Variants in WDPCP observed in about 807,000 individuals in gnomAD.
WDPCP encodes the protein WD repeat-containing and planar cell polarity effector protein fritz homolog.
In WDPCP, 71 loss-of-function variants were observed where a neutral mutation model predicts 93.1. That is an observed-to-expected ratio of 0.76 (90% CI 0.63 to 0.93). The LOEUF (loss-of-function observed/expected upper bound fraction) is 0.93. Ranked by LOEUF, WDPCP falls within the 40% of genes least tolerant of loss-of-function variation. The pLI, the probability that WDPCP is intolerant of heterozygous loss-of-function variation, is 0.00. For synonymous variants in WDPCP, 315 were observed against 315.0 expected (o/e 1.00, Z 0.00); for missense variants, 844 against 887.4 (o/e 0.95, Z 0.62).
At chr2:63,166,050 C>CT (rs1353915915) in intron 15 of WDPCP, among the ~76,000 whole-genome samples, 14 of 151,306 alleles carry the variant, frequency 9.3e-5, no homozygotes, top group African/African-American at 2.9e-4. Flanking sequence ...TTGTAAATTT[C>CT]TTTTTTTTAA....
intron 1 of WDPCP, among the ~76,000 whole-genome samples, chr2:63,535,608 A>G (rs533773502): frequency 6.6e-6 from 1 of 152,322 alleles, no homozygotes; most frequent in East Asian, 1.9e-4. Flanking sequence ...CAAGAAATGG[A>G]GAAAGGATTC....
chr2:63,647,739 T>G (rs1235742981), intron 3 of WDPCP, among the ~76,000 whole-genome samples: 11 of 152,186 alleles, frequency 7.2e-5, no homozygotes, highest in Non-Finnish European at 1.5e-4. Context: ...TTTTGCAAGA[T>G]GTAACCACTG....
At chr2:63,575,197 CTA>C (rs1208370797) in intron 1 of WDPCP, among the ~76,000 whole-genome samples, 1 of 151,062 alleles carries the variant, frequency 6.6e-6, no homozygotes, top group Non-Finnish European at 1.5e-5. Context: ...GATTATTTCT[CTA>C]TGTTACATAA....
At chr2:63,254,063 A>T (rs1243155406) in intron 14 of WDPCP, among the ~76,000 whole-genome samples, 1 of 152,192 alleles carries the variant, frequency 6.6e-6, no homozygotes, top group African/African-American at 2.4e-5. Context: ...AAAAAGACTG[A>T]AATAACATCC....
chr2:63,313,853 CAT>C (rs1239251914), intron 12 of WDPCP, among the ~76,000 whole-genome samples: 106 of 38,516 alleles, frequency 2.8e-3, no homozygotes, highest in Non-Finnish European at 3.0e-3. Flanking sequence ...ATTATTCATA[CAT>C]ATATATATAT....
intron 12 of WDPCP, among the ~76,000 whole-genome samples, chr2:63,317,638 C>A (rs1021789748): frequency 1.3e-5 from 2 of 152,046 alleles, no homozygotes; most frequent in Non-Finnish European, 2.9e-5. Context: ...TGATCTTTGA[C>A]AAGATAGACA....
intron 2 of WDPCP, among the ~76,000 whole-genome samples, chr2:63,709,384 G>A (rs1669225627): frequency 6.6e-6 from 1 of 152,036 alleles, no homozygotes; most frequent in Non-Finnish European, 1.5e-5. Context: ...ATCCCCTTCA[G>A]GCTTTGGTGG....
At chr2:63,824,261 GT>G (rs1370874205) in intron 1 of WDPCP, among the ~76,000 whole-genome samples, 3 of 151,742 alleles carry the variant, frequency 2.0e-5, no homozygotes, top group Admixed American at 1.3e-4. Flanking sequence ...ATGATTTTAA[GT>G]TTCCTGAGGA....
chr2:63,824,537 CAA>C (rs70965144), intron 1 of WDPCP, among the ~76,000 whole-genome samples: 1 of 85,330 alleles, frequency 1.2e-5, no homozygotes, highest in African/African-American at 5.1e-5. Context: ...GACCATGTTT[CAA>C]AAAAAAAAAA....
At chr2:63,769,199 A>G (rs1349737406) in intron 2 of WDPCP, among the ~76,000 whole-genome samples, 1 of 151,988 alleles carries the variant, frequency 6.6e-6, no homozygotes, top group Non-Finnish European at 1.5e-5. Flanking sequence ...AAATGAATAC[A>G]TTGCCAGTGG....
chr2:63,340,148 T>C (rs1383603456), intron 12 of WDPCP, among the ~76,000 whole-genome samples: 1 of 152,196 alleles, frequency 6.6e-6, no homozygotes, highest in Non-Finnish European at 1.5e-5. Context: ...TTTTATTGAA[T>C]ATATTTGCTT....
intron 14 of WDPCP, among the ~76,000 whole-genome samples, chr2:63,181,538 T>C (rs1443153433): frequency 6.6e-6 from 1 of 152,196 alleles, no homozygotes; most frequent in Non-Finnish European, 1.5e-5. Flanking sequence ...CTCTATTCTG[T>C]TACATTGATC....
chr2:63,133,279 T>C (rs1670406249), intron 17 of WDPCP, among the ~76,000 whole-genome samples: 1 of 152,214 alleles, frequency 6.6e-6, no homozygotes, highest in Non-Finnish European at 1.5e-5. Context: ...TCTGCAGCTT[T>C]CTGAGCCATG....
chr2:63,398,953 GT>G, intron 10 of WDPCP, among the ~76,000 whole-genome samples: 1 of 152,034 alleles, frequency 6.6e-6, no homozygotes, highest in Non-Finnish European at 1.5e-5. Flanking sequence ...AGAAAAATCT[GT>G]TCTTTATACT....
intron 3 of WDPCP, among the ~76,000 whole-genome samples, chr2:63,645,678 G>T (rs1710039392): frequency 6.6e-6 from 1 of 151,766 alleles, no homozygotes; most frequent in African/African-American, 2.4e-5. Flanking sequence ...TATATATCTG[G>T]GTGCTCCAGT....
intron 9 of WDPCP, among the ~76,000 whole-genome samples, chr2:63,429,277 A>G (rs1696544579): frequency 6.6e-6 from 1 of 152,164 alleles, no homozygotes; most frequent in African/African-American, 2.4e-5. Flanking sequence ...TCTCAATATC[A>G]GTCTTAGCAA....
intron 6 of WDPCP, among the ~76,000 whole-genome samples, chr2:63,462,025 A>G (rs1280262468): frequency 6.6e-6 from 1 of 152,272 alleles, no homozygotes; most frequent in Non-Finnish European, 1.5e-5. Context: ...ATTATAAATC[A>G]TGCTGCTATA....
At chr2:63,839,916 T>C in the WDPCP span, among the ~76,000 whole-genome samples, 1 of 152,256 alleles carries the variant, frequency 6.6e-6, no homozygotes, top group African/African-American at 2.4e-5. Flanking sequence ...CATTCTCTAG[T>C]ATAACAATTT....
At chr2:63,420,631 T>C (rs1464027454) in intron 9 of WDPCP, among the ~76,000 whole-genome samples, 1 of 152,152 alleles carries the variant, frequency 6.6e-6, no homozygotes, top group Non-Finnish European at 1.5e-5. Flanking sequence ...AACACTATTA[T>C]GAATTTGGTA....
Sources: gnomAD v4.1 joint callset for allele counts (sites outside exome capture counted in the v4.1 genomes callset) on GRCh38, gnomAD v4.1.1 for gene constraint, MANE v1.5 for transcripts, NCBI Gene and HGNC (gene_info 2026-07-23, HGNC 2026-07-21) for gene names.